ADAM12: variants seen among roughly 807,000 people sequenced by gnomAD.
ADAM12 encodes the protein ADAM metallopeptidase domain 12, also known as disintegrin and metalloproteinase domain-containing protein 12.
In ADAM12, 70 loss-of-function variants were observed where a neutral mutation model predicts 106.4. The ratio of observed to expected loss-of-function variants is 0.66; its 90% confidence interval spans 0.54 to 0.80. The LOEUF (loss-of-function observed/expected upper bound fraction) is 0.80, where lower values mean the gene tolerates loss of function less well. Among genes scored for constraint, ADAM12 ranks in the 30% least tolerant of loss-of-function variants. ADAM12 has a pLI of 0.00. For missense variants in ADAM12, 1,010 were observed against 1,171.9 expected (o/e 0.86, Z 2.02); for synonymous variants, 420 against 433.5 (o/e 0.97, Z 0.39).
chr10:126,176,815 G>A (rs1182539886), intron 3 of ADAM12, among the ~76,000 whole-genome samples: 2 of 152,148 alleles, frequency 1.3e-5, no homozygotes, highest in Admixed American at 1.3e-4. Flanking sequence ...ACTCTTCCAC[G>A]TGATGTCTGG....
chr10:126,387,111 A>G (rs1177224059), intron 1 of ADAM12, among the ~76,000 whole-genome samples: 1 of 152,186 alleles, frequency 6.6e-6, no homozygotes, highest in Non-Finnish European at 1.5e-5. Flanking sequence ...TGTTATATAG[A>G]ATCACAGAAC....
intron 3 of ADAM12, among the ~76,000 whole-genome samples, chr10:126,254,384 C>T (rs1357877823): frequency 1.3e-5 from 2 of 152,204 alleles, no homozygotes; most frequent in African/African-American, 4.8e-5. Context: ...CATGTGCTCC[C>T]TCTGTGTCAG....
intron 2 of ADAM12, among the ~76,000 whole-genome samples, chr10:126,312,256 T>C (rs999513145): frequency 2.6e-5 from 4 of 151,882 alleles, no homozygotes; most frequent in Non-Finnish European, 5.9e-5. Context: ...GAGAAACCCA[T>C]GGCAGAGCAC....
chr10:126,042,376 TA>T, intron 18 of ADAM12: 1 of 1,131,180 alleles, frequency 8.8e-7, no homozygotes. Context: ...CAGCTGCTAC[TA>T]AGAGCTTCTT....
intron 3 of ADAM12, among the ~76,000 whole-genome samples, chr10:126,189,670 C>T (rs931351049): frequency 3.3e-5 from 5 of 152,114 alleles, no homozygotes; most frequent in Non-Finnish European, 7.4e-5. Flanking sequence ...GGCTCCCTGT[C>T]CTGGGCTACA....
chr10:126,193,667 C>T (rs1240692201), intron 3 of ADAM12, among the ~76,000 whole-genome samples: 7 of 152,056 alleles, frequency 4.6e-5, no homozygotes, highest in South Asian at 4.1e-4. Flanking sequence ...GAAGCTGAAG[C>T]GAGTGGATCA....
At chr10:126,254,191 G>C (rs11244907) in intron 3 of ADAM12, among the ~76,000 whole-genome samples, 3,272 of 152,272 alleles carry the variant, frequency 0.021, 59 homozygotes, top group Admixed American at 0.054. Flanking sequence ...GGGTCTGCAG[G>C]CAGCCTCCCT....
intron 4 of ADAM12, among the ~76,000 whole-genome samples, chr10:126,146,140 A>G (rs1956623440): frequency 6.6e-6 from 1 of 152,200 alleles, no homozygotes; most frequent in South Asian, 2.1e-4. Context: ...GAGCTGGTGC[A>G]GCCATGTGAT....
intron 2 of ADAM12, among the ~76,000 whole-genome samples, chr10:126,299,872 G>A: frequency 6.6e-6 from 1 of 152,114 alleles, no homozygotes; most frequent in Non-Finnish European, 1.5e-5. Flanking sequence ...TTGAACTCCT[G>A]ACCTCAGTTG....
intron 3 of ADAM12, among the ~76,000 whole-genome samples, chr10:126,202,276 T>C (rs1198210831): frequency 6.6e-6 from 1 of 152,246 alleles, no homozygotes; most frequent in Admixed American, 6.5e-5. Context: ...ATACCATAAT[T>C]GTTGGTTAAT....
At chr10:126,290,777 G>A (rs1052935873) in intron 2 of ADAM12, among the ~76,000 whole-genome samples, 5 of 152,124 alleles carry the variant, frequency 3.3e-5, no homozygotes, top group East Asian at 1.9e-4. Flanking sequence ...TCCAGTCCTG[G>A]GTTGATAGCT....
At chr10:126,133,969 A>G (rs886949064) in intron 5 of ADAM12, among the ~76,000 whole-genome samples, 1 of 152,156 alleles carries the variant, frequency 6.6e-6, no homozygotes, top group Non-Finnish European at 1.5e-5. Flanking sequence ...GACATCATGT[A>G]TCTTACTCTA....
At chr10:126,068,207 G>A (rs904967532) in intron 12 of ADAM12, among the ~76,000 whole-genome samples, 3 of 152,164 alleles carry the variant, frequency 2.0e-5, no homozygotes, top group African/African-American at 7.2e-5. Context: ...TTTAAAAAAA[G>A]TAGTCCATTA....
chr10:126,314,704 C>G (rs891277938), intron 2 of ADAM12, among the ~76,000 whole-genome samples: 1 of 152,216 alleles, frequency 6.6e-6, no homozygotes, highest in South Asian at 2.1e-4. Flanking sequence ...CTCCCCATTG[C>G]CTTCAGAATT....
intron 2 of ADAM12, among the ~76,000 whole-genome samples, chr10:126,316,783 C>CA (rs376131530): frequency 0.27 from 21,934 of 82,300 alleles, 1,898 homozygotes; most frequent in East Asian, 0.34. Flanking sequence ...GACCCTATCT[C>CA]AAAAAAAAAA....
At chr10:126,342,675 T>C (rs1854970575) in intron 1 of ADAM12, among the ~76,000 whole-genome samples, 1 of 152,214 alleles carries the variant, frequency 6.6e-6, no homozygotes, top group East Asian at 1.9e-4. Flanking sequence ...ACTGGTCCAA[T>C]CCAGTATCGG....
At chr10:126,304,320 G>T (rs1455886613) in intron 2 of ADAM12, among the ~76,000 whole-genome samples, 1 of 146,358 alleles carries the variant, frequency 6.8e-6, no homozygotes, top group African/African-American at 2.5e-5. Flanking sequence ...AAAGAAGGAA[G>T]GGAGGGAGGG....
At chr10:126,137,694 C>T (rs541252810) in intron 4 of ADAM12, among the ~76,000 whole-genome samples, 1 of 152,302 alleles carries the variant, frequency 6.6e-6, no homozygotes, top group Non-Finnish European at 1.5e-5. Context: ...CAAGTTCATT[C>T]ATACTGAGGC....
At chr10:126,090,392 C>G (rs928259372) in intron 11 of ADAM12, among the ~76,000 whole-genome samples, 1 of 150,966 alleles carries the variant, frequency 6.6e-6, no homozygotes, top group Non-Finnish European at 1.5e-5. Context: ...TAGGAAGTGA[C>G]ATTTACTATT....
Sources: allele counts gnomAD v4.1 joint callset (sites outside exome capture counted in the v4.1 genomes callset), GRCh38; gene constraint gnomAD v4.1.1; transcripts MANE v1.5; gene names NCBI Gene and HGNC (gene_info 2026-07-23, HGNC 2026-07-21).